The following DAB1 variants were observed in gnomAD, a reference collection of about 807,000 sequenced individuals.
DAB1 encodes DAB adaptor protein 1, also known as disabled homolog 1.
DAB1 carries 15 observed loss-of-function variants against 64.6 expected under a neutral mutation model. The observed-to-expected ratio is 0.23, with a 90% CI of 0.16 to 0.36. The LOEUF (loss-of-function observed/expected upper bound fraction) is 0.36. DAB1 is among the 10% of genes least tolerant of loss of function. The probability of loss-of-function intolerance (pLI) is 1.00; values close to 1 mark genes in which losing one functional copy is unlikely to be tolerated. For synonymous variants in DAB1, 235 were observed against 251.9 expected (o/e 0.93, Z 0.64); for missense variants, 596 against 706.7 (o/e 0.84, Z 1.78).
chr1:58,069,541 C>T (rs1471142906), intron 5 of DAB1, among the ~76,000 whole-genome samples: 1 of 152,060 alleles, frequency 6.6e-6, no homozygotes, highest in Non-Finnish European at 1.5e-5. Context: ...AATAAACATG[C>T]TAAGGCCCAG....
intron 2 of DAB1, among the ~76,000 whole-genome samples, chr1:58,506,566 T>C (rs115691798): frequency 3.9e-5 from 6 of 152,170 alleles, no homozygotes; most frequent in African/African-American, 1.2e-4. Context: ...CCTTCCCATA[T>C]ACAACATTCA....
intron 5 of DAB1, among the ~76,000 whole-genome samples, chr1:57,919,685 G>T (rs573255414): frequency 3.9e-5 from 6 of 152,202 alleles, no homozygotes; most frequent in Non-Finnish European, 8.8e-5. Context: ...TGTATAACCG[G>T]CAGGATTGTT....
intron 1 of DAB1, among the ~76,000 whole-genome samples, chr1:57,350,112 T>C (rs567797686): frequency 6.6e-6 from 1 of 152,348 alleles, no homozygotes; most frequent in East Asian, 1.9e-4. Context: ...GTTGCTCTGA[T>C]CAACTATCCT....
At chr1:57,896,821 AGT>A (rs1166512025) in intron 5 of DAB1, among the ~76,000 whole-genome samples, 3 of 152,174 alleles carry the variant, frequency 2.0e-5, no homozygotes, top group African/African-American at 7.2e-5. Context: ...TTCTACTGTG[AGT>A]GTGTTTGAGG....
intron 5 of DAB1, among the ~76,000 whole-genome samples, chr1:57,945,116 C>A (rs1030268214): frequency 5.3e-5 from 8 of 152,274 alleles, no homozygotes; most frequent in Middle Eastern, 3.4e-3. Context: ...TTATACAAAA[C>A]CGGCGATTTC....
intron 1 of DAB1, among the ~76,000 whole-genome samples, chr1:57,320,666 G>C (rs1675633769): frequency 6.6e-6 from 1 of 151,996 alleles, no homozygotes; most frequent in African/African-American, 2.4e-5. Flanking sequence ...AGGACCCCAA[G>C]GCACAAGTTT....
intron 6 of DAB1, among the ~76,000 whole-genome samples, chr1:57,767,774 C>T (rs920121034): frequency 6.6e-6 from 1 of 152,098 alleles, no homozygotes; most frequent in Non-Finnish European, 1.5e-5. Flanking sequence ...CCTCTGTTCT[C>T]CACATTTGAC....
At chr1:57,685,964 A>T (rs1439090608) in intron 6 of DAB1, among the ~76,000 whole-genome samples, 1 of 152,182 alleles carries the variant, frequency 6.6e-6, no homozygotes, top group Non-Finnish European at 1.5e-5. Flanking sequence ...AGTTAGAAAG[A>T]TCTCAAAATA....
At chr1:58,530,592 C>A in intron 1 of DAB1, 1 of 870,348 alleles carries the variant, frequency 1.1e-6, no homozygotes, top group South Asian at 1.3e-5. Context: ...GTTATTGTCT[C>A]AGACTTACCT....
chr1:58,483,335 C>G (rs1645521380), intron 3 of DAB1, among the ~76,000 whole-genome samples: 1 of 152,082 alleles, frequency 6.6e-6, no homozygotes, highest in African/African-American at 2.4e-5. Flanking sequence ...TTCTTGTATG[C>G]TAACATTTCA....
intron 1 of DAB1, among the ~76,000 whole-genome samples, chr1:57,300,577 A>G (rs1156361743): frequency 1.1e-4 from 16 of 152,184 alleles, no homozygotes; most frequent in Admixed American, 1.0e-3. Flanking sequence ...ACAGCTCATC[A>G]TGGCTGGGTA....
chr1:57,828,626 A>G (rs1038725278), intron 1 of DAB1, among the ~76,000 whole-genome samples: 1 of 152,236 alleles, frequency 6.6e-6, no homozygotes, highest in Admixed American at 6.5e-5. Context: ...GACTTGGCTA[A>G]TGTATTGAGT....
At chr1:58,432,782 T>A (rs1644893904) in intron 3 of DAB1, among the ~76,000 whole-genome samples, 1 of 152,208 alleles carries the variant, frequency 6.6e-6, no homozygotes, top group East Asian at 1.9e-4. Context: ...GTCTGGGCAC[T>A]TTCTGTGAGC....
intron 6 of DAB1, among the ~76,000 whole-genome samples, chr1:57,698,514 T>C (rs1646872517): frequency 1.3e-5 from 2 of 152,196 alleles, no homozygotes; most frequent in Admixed American, 6.5e-5. Flanking sequence ...TTATAACTAC[T>C]TATTTATTTA....
chr1:57,608,254 A>G (rs1308196269), intron 7 of DAB1, among the ~76,000 whole-genome samples: 1 of 152,120 alleles, frequency 6.6e-6, no homozygotes, highest in Non-Finnish European at 1.5e-5. Flanking sequence ...CACATACACA[A>G]TGTAACCTCT....
intron 6 of DAB1, among the ~76,000 whole-genome samples, chr1:57,694,495 A>C (rs1225577159): frequency 6.6e-6 from 1 of 152,148 alleles, no homozygotes; most frequent in African/African-American, 2.4e-5. Context: ...ATAAGCAGTT[A>C]ATTTAGAGAT....
chr1:58,250,856 T>A (rs1660776458), intron 4 of DAB1, among the ~76,000 whole-genome samples: 1 of 152,196 alleles, frequency 6.6e-6, no homozygotes, highest in South Asian at 2.1e-4. Flanking sequence ...GGTCTTGGCC[T>A]GCACGTGCTT....
intron 4 of DAB1, among the ~76,000 whole-genome samples, chr1:57,077,615 A>G (rs1445107129): frequency 2.6e-5 from 4 of 152,116 alleles, no homozygotes; most frequent in Non-Finnish European, 5.9e-5. Flanking sequence ...TTTTCTTTGT[A>G]TTTCCATGAG....
At chr1:57,669,980 A>T (rs961173944) in intron 6 of DAB1, among the ~76,000 whole-genome samples, 6 of 152,166 alleles carry the variant, frequency 3.9e-5, no homozygotes, top group African/African-American at 1.4e-4. Flanking sequence ...TCTCAAATAT[A>T]ACGATATTGG....
Sources: gnomAD v4.1 joint callset for allele counts (sites outside exome capture counted in the v4.1 genomes callset) on GRCh38, gnomAD v4.1.1 for gene constraint, MANE v1.5 for transcripts, NCBI Gene and HGNC (gene_info 2026-07-23, HGNC 2026-07-21) for gene names.